Variants in RPS6KC1 observed in about 807,000 individuals in gnomAD.
The protein encoded by RPS6KC1 is inactive ribosomal protein S6 kinase delta-1.
RPS6KC1 carries 54 observed loss-of-function variants against 103.8 expected under a neutral mutation model. That is an observed-to-expected ratio of 0.52 (90% CI 0.42 to 0.65). The LOEUF (loss-of-function observed/expected upper bound fraction) is 0.65, where lower values mean the gene tolerates loss of function less well. RPS6KC1 is among the 30% of genes least tolerant of loss of function. The probability of loss-of-function intolerance (pLI) is 0.00; values close to 1 mark genes in which losing one functional copy is unlikely to be tolerated. For missense variants in RPS6KC1, 1,151 were observed against 1,253.8 expected (o/e 0.92, Z 1.24); for synonymous variants, 439 against 438.7 (o/e 1.00, Z -0.01).
chr1:213,489,901 G>A, the RPS6KC1 span, among the ~76,000 whole-genome samples: 1 of 152,186 alleles, frequency 6.6e-6, no homozygotes, highest in East Asian at 1.9e-4. Flanking sequence ...GGAGTTTTGG[G>A]GCCAGATGGA....
At chr1:213,428,470 C>CT in the RPS6KC1 span, among the ~76,000 whole-genome samples, 170 of 43,134 alleles carry the variant, frequency 3.9e-3, 2 homozygotes, top group African/African-American at 0.017. Flanking sequence ...TCTTTCCTCC[C>CT]TCCCTCCCTC....
At chr1:213,655,395 C>G in the RPS6KC1 span, among the ~76,000 whole-genome samples, 1 of 152,208 alleles carries the variant, frequency 6.6e-6, no homozygotes, top group Non-Finnish European at 1.5e-5. Flanking sequence ...ACCAAACATT[C>G]CACAGTTAAT....
chr1:213,636,511 G>A, the RPS6KC1 span, among the ~76,000 whole-genome samples: 2 of 152,076 alleles, frequency 1.3e-5, no homozygotes, highest in Non-Finnish European at 2.9e-5. Context: ...ACAAGAAATG[G>A]GGAAAGGATT....
rs35813252 is a variant in RPS6KC1, at chr1:213,178,186, AAAATAAATAAATAAATAAAT to A, written c.1044+1720_1044+1739del. On this transcript the variant is annotated intron_variant, in intron 8 of 14. Transcript: ENST00000366960. ...GGGTGACAGAGTGAGACTCTGTCTC[AAAATAAATAAATAAATAAAT>A]AAATAAATAAATAAATAAATAAATA... is the stretch of plus-strand genomic sequence containing the variant. Among the ~76,000 whole-genome samples, 16 of 128,266 alleles carry A rather than the reference AAAATAAATAAATAAATAAAT, an allele frequency of 1.2e-4. No homozygotes were observed. In the East Asian group the frequency reaches 2.0e-3, roughly 16 times the overall value. 84.1% of individuals were successfully genotyped at this position (128,266 alleles called of 152,430 possible).
the RPS6KC1 span, among the ~76,000 whole-genome samples, chr1:213,521,804 A>G: frequency 1.4e-4 from 22 of 152,298 alleles, no homozygotes; most frequent in African/African-American, 5.1e-4. Context: ...TAGCAATTCA[A>G]TCACTTCTTC....
At chr1:213,515,933 A>G in the RPS6KC1 span, among the ~76,000 whole-genome samples, 1 of 135,038 alleles carries the variant, frequency 7.4e-6, no homozygotes, top group Non-Finnish European at 1.7e-5. Context: ...TTCTCCTTGA[A>G]GAGGTCCTTC....
the RPS6KC1 span, among the ~76,000 whole-genome samples, chr1:213,581,247 C>T: frequency 1.3e-5 from 2 of 152,118 alleles, no homozygotes; most frequent in Non-Finnish European, 1.5e-5. Flanking sequence ...GCAGCCTCGC[C>T]GGATCCACTT....
the RPS6KC1 span, among the ~76,000 whole-genome samples, chr1:213,790,135 A>C: frequency 6.6e-6 from 1 of 152,158 alleles, no homozygotes; most frequent in African/African-American, 2.4e-5. Context: ...CAAAGTCACC[A>C]CAGATTCTTT....
intron 8 of RPS6KC1, among the ~76,000 whole-genome samples, chr1:213,202,442 G>C (rs1384511919): frequency 6.6e-6 from 1 of 151,968 alleles, no homozygotes; most frequent in Non-Finnish European, 1.5e-5. Flanking sequence ...GTGCAACCCT[G>C]TCTCTACTAA....
At chr1:213,520,835 A>G in the RPS6KC1 span, among the ~76,000 whole-genome samples, 1 of 152,222 alleles carries the variant, frequency 6.6e-6, no homozygotes, top group Non-Finnish European at 1.5e-5. Flanking sequence ...AAAATATAAC[A>G]AACATTTATT....
the RPS6KC1 span, among the ~76,000 whole-genome samples, chr1:213,375,926 GT>G: frequency 6.6e-6 from 1 of 152,194 alleles, no homozygotes; most frequent in African/African-American, 2.4e-5. Flanking sequence ...CTGTCCTATC[GT>G]TTCTGCTGCT....
the RPS6KC1 span, among the ~76,000 whole-genome samples, chr1:213,611,956 G>A: frequency 6.6e-6 from 1 of 152,234 alleles, no homozygotes; most frequent in Non-Finnish European, 1.5e-5. Context: ...TAGTAAGCCT[G>A]TGATGAATTT....
downstream of RPS6KC1, among the ~76,000 whole-genome samples, chr1:213,277,561 T>A (rs775240340): frequency 2.2e-4 from 34 of 152,242 alleles, no homozygotes; most frequent in African/African-American, 4.8e-4. Context: ...TAATTCTTTG[T>A]TCTTCCCCAA....
At chr1:213,859,786 C>T in the RPS6KC1 span, among the ~76,000 whole-genome samples, 1 of 152,120 alleles carries the variant, frequency 6.6e-6, no homozygotes, top group Non-Finnish European at 1.5e-5. Flanking sequence ...GGAACTTTTT[C>T]TCAATCAATA....
chr1:213,178,773 G>T (rs1043067378), intron 8 of RPS6KC1, among the ~76,000 whole-genome samples: 15 of 151,818 alleles, frequency 9.9e-5, no homozygotes, highest in Admixed American at 6.6e-5. Context: ...GGAGTGCAAT[G>T]GCACAATCTT....
the RPS6KC1 span, among the ~76,000 whole-genome samples, chr1:213,442,736 G>A: frequency 6.6e-6 from 1 of 152,162 alleles, no homozygotes; most frequent in East Asian, 1.9e-4. Flanking sequence ...ACTTCCATGG[G>A]GTTGTTTCTG....
At chr1:213,813,753 G>A in the RPS6KC1 span, among the ~76,000 whole-genome samples, 3 of 152,158 alleles carry the variant, frequency 2.0e-5, no homozygotes, top group Non-Finnish European at 4.4e-5. Context: ...GGAAGTGGGG[G>A]AGCAGGGACC....
chr1:213,072,359 T>C (rs535221363), intron 2 of RPS6KC1, among the ~76,000 whole-genome samples: 1 of 152,270 alleles, frequency 6.6e-6, no homozygotes, highest in South Asian at 2.1e-4. Flanking sequence ...ATAGTTGTTT[T>C]TGTCCTATGA....
the RPS6KC1 span, among the ~76,000 whole-genome samples, chr1:213,742,916 A>G: frequency 6.6e-6 from 1 of 152,254 alleles, no homozygotes; most frequent in African/African-American, 2.4e-5. Flanking sequence ...AAACGGGAAC[A>G]CTTATACACT....
Sources: allele counts gnomAD v4.1 joint callset (sites outside exome capture counted in the v4.1 genomes callset), GRCh38; gene constraint gnomAD v4.1.1; transcripts MANE v1.5; gene names NCBI Gene and HGNC (gene_info 2026-07-23, HGNC 2026-07-21).